The following EGFLAM variants were observed in gnomAD, a reference collection of about 807,000 sequenced individuals.
The protein encoded by EGFLAM is EGF like, fibronectin type III and laminin G domains.
EGFLAM carries 79 observed loss-of-function variants against 113.1 expected under a neutral mutation model. The ratio of observed to expected loss-of-function variants is 0.70; its 90% CI spans 0.58 to 0.84. The LOEUF is 0.84. Among genes scored for constraint, EGFLAM ranks in the 40% least tolerant of loss-of-function variants. The probability of loss-of-function intolerance (pLI) is 0.00; values close to 1 mark genes in which losing one functional copy is unlikely to be tolerated. For synonymous variants in EGFLAM, 504 were observed against 487.6 expected (o/e 1.03, Z -0.44); for missense variants, 1,265 against 1,291.6 (o/e 0.98, Z 0.32).
chr5:38,406,270 A>G, intron 7 of EGFLAM, 29 bp downstream of exon 7: 8 of 1,596,354 alleles, frequency 5.0e-6, no homozygotes, highest in Non-Finnish European at 6.0e-6. Context: ...CTTAAAACCC[A>G]GGGTGTTTGT....
chr5:38,464,265 A>G lies in EGFLAM; in HGVS notation c.*279A>G, dbSNP rs976958898. 4.4e-5 allele frequency: 18 copies of G among 411,808 alleles called. No individual in the cohort carries two copies. Among genetic ancestry groups the G allele is most frequent in the Admixed American group, 4.1e-4 (11 of 26,672 alleles). The allele number at this position is 411,808 out of a possible 1,614,324, so 25.5% of individuals were successfully genotyped here. A position where few individuals can be genotyped will look rare whatever the true frequency, so the allele number is the denominator to read the frequency against. ...AGCGGCTGCCAGAGATCACACATCA[A>G]TGCAAATTCCAGAGCCTGTCTGCTA... On this transcript the variant is annotated 3_prime_UTR_variant, in exon 22 of 22. Transcript: ENST00000322350.
At position 38,448,240 on chromosome 5, in the gene EGFLAM, G is replaced by A. The variant is rs1742785935; in HGVS notation, c.2465-61G>A. ...AGCTGGGTGTTTTCCTGCCATGTGT[G>A]TGAGTGCAGGGGTCAAGAGAACCAC... On this transcript the variant is annotated intron_variant, in intron 17 of 21. Transcript: ENST00000322350. 2.6e-6 allele frequency: 4 copies of A among 1,552,586 alleles called. No individual in the cohort carries two copies. In the Admixed American group the frequency reaches 5.0e-5, roughly 20 times the overall value.
At chr5:38,360,494 A>G (rs1452403986) in intron 5 of EGFLAM, among the ~76,000 whole-genome samples, 1 of 152,164 alleles carries the variant, frequency 6.6e-6, no homozygotes, top group Non-Finnish European at 1.5e-5. Flanking sequence ...GACGTAGGGG[A>G]GGCAGTATCG....
At chr5:38,383,463 C>A (rs1740570768) in intron 6 of EGFLAM, among the ~76,000 whole-genome samples, 1 of 148,074 alleles carries the variant, frequency 6.8e-6, no homozygotes, top group Non-Finnish European at 1.5e-5. Context: ...GGGTGATGTT[C>A]AAGAAAGTAA....
chr5:38,320,180 C>T (rs1738703151), intron 1 of EGFLAM, among the ~76,000 whole-genome samples: 2 of 152,232 alleles, frequency 1.3e-5, no homozygotes, highest in Admixed American at 1.3e-4. Context: ...TTGCCTCACA[C>T]AAGACACTAG....
At chr5:38,280,791 A>G (rs760844338) in intron 1 of EGFLAM, among the ~76,000 whole-genome samples, 3 of 152,198 alleles carry the variant, frequency 2.0e-5, no homozygotes, top group Non-Finnish European at 4.4e-5. Flanking sequence ...ATCCTAATTG[A>G]TACCTTTGGT....
chr5:38,315,206 A>G (rs1015888183), intron 1 of EGFLAM, among the ~76,000 whole-genome samples: 84 of 152,056 alleles, frequency 5.5e-4, no homozygotes, highest in African/African-American at 2.0e-3. Flanking sequence ...CTCAAATCTC[A>G]TTTACTAGGT....
At chr5:38,423,955 C>T (rs1339499837) in intron 12 of EGFLAM, among the ~76,000 whole-genome samples, 1 of 152,148 alleles carries the variant, frequency 6.6e-6, no homozygotes, top group Non-Finnish European at 1.5e-5. Flanking sequence ...ACACTCAGGC[C>T]AAGGAGGGCT....
At chr5:38,354,594 G>A (rs1739714768) in intron 5 of EGFLAM, among the ~76,000 whole-genome samples, 1 of 152,088 alleles carries the variant, frequency 6.6e-6, no homozygotes, top group South Asian at 2.1e-4. Flanking sequence ...GCTGGGCATG[G>A]TGGCGGGTAC....
intron 6 of EGFLAM, among the ~76,000 whole-genome samples, chr5:38,404,273 A>AGG (rs1741208150): frequency 6.6e-6 from 1 of 152,166 alleles, no homozygotes; most frequent in African/African-American, 2.4e-5. Context: ...ACCCCCAAGG[A>AGG]GGGGCCTTTG....
chr5:38,308,612 T>G (rs10472301), intron 1 of EGFLAM, among the ~76,000 whole-genome samples: 5,434 of 152,244 alleles, frequency 0.036, 324 homozygotes, highest in African/African-American at 0.12. Flanking sequence ...CCCCAAGGTT[T>G]AAAAGTAAAT....
rs563692932 is a variant in EGFLAM at position 38,376,887 on chromosome 5, T to G, written c.712+6425T>G. On this transcript the variant is annotated intron_variant, in intron 6 of 21. Coordinates refer to ENST00000322350, the MANE Select transcript of EGFLAM (RefSeq NM_152403.4). ...GGTTTCACCATGTTGCCCAGGCTGG[T>G]CTCGAATTCTTGGGCTCAAGTGATC... Among the ~76,000 whole-genome samples, 11 of 152,180 alleles carry G rather than the reference T, an allele frequency of 7.2e-5. No individual in the cohort carries two copies. The South Asian group carries it at 2.3e-3, about 32-fold the overall frequency.
intron 17 of EGFLAM, among the ~76,000 whole-genome samples, chr5:38,442,008 C>T (rs1334912915): frequency 2.0e-5 from 3 of 152,204 alleles, no homozygotes; most frequent in Non-Finnish European, 4.4e-5. Flanking sequence ...GCACAGTCCT[C>T]AAGTAACCAG....
At chr5:38,335,287 T>C (rs1334258198) in intron 1 of EGFLAM, among the ~76,000 whole-genome samples, 1 of 152,232 alleles carries the variant, frequency 6.6e-6, no homozygotes, top group Non-Finnish European at 1.5e-5. Context: ...GATATAGATG[T>C]TCTTTTCAGC....
chr5:38,411,110 C>A (rs1241136567), intron 10 of EGFLAM, among the ~76,000 whole-genome samples: 2 of 152,122 alleles, frequency 1.3e-5, no homozygotes, highest in African/African-American at 2.4e-5. Flanking sequence ...TGCTTCCGAG[C>A]AGAAGTGATC....
intron 11 of EGFLAM, 131 bp downstream of exon 11, chr5:38,412,779 T>G (rs549113834): frequency 6.6e-6 from 9 of 1,361,496 alleles, no homozygotes; most frequent in South Asian, 4.5e-5. Flanking sequence ...TAAGGCCTAT[T>G]TCTCATGGTG....
At position 38,463,961 on chromosome 5, in the gene EGFLAM, A is replaced by G; in HGVS notation, c.3005A>G (p.Asn1002Ser). 6.2e-7 allele frequency: 1 copy of G among 1,614,194 alleles called. No individual in the cohort carries two copies. Among genetic ancestry groups the G allele is most frequent in the African/African-American group, 1.3e-5 (1 of 75,034 alleles). ...SLVEDAVDGK[N>S]INTCGAK is the part of the protein sequence containing the mutation. ...GTGGAAGATGCCGTGGATGGGAAAA[A>G]CATCAACACTTGTGGAGCCAAGTAA... The change falls in exon 22 of 22, where the codon AAC becomes AGC. Residue 1002 changes from asparagine to serine, a missense_variant. Physicochemically the swap from Asn to Ser is conservative, Grantham distance 46. Transcript: ENST00000322350.
chr5:38,370,704 G>A (rs1304445767), intron 6 of EGFLAM, among the ~76,000 whole-genome samples: 1 of 152,136 alleles, frequency 6.6e-6, no homozygotes, highest in Non-Finnish European at 1.5e-5. Context: ...GGAAGTTTGA[G>A]GTCAGTTTTC....
intron 14 of EGFLAM, among the ~76,000 whole-genome samples, chr5:38,429,163 C>T (rs550019986): frequency 2.0e-5 from 3 of 152,162 alleles, no homozygotes; most frequent in South Asian, 2.1e-4. Flanking sequence ...TAAAAAATCA[C>T]GACAATTGGA....
Sources: gnomAD v4.1 joint callset for allele counts (sites outside exome capture counted in the v4.1 genomes callset) on GRCh38, gnomAD v4.1.1 for gene constraint, MANE v1.5 for transcripts, NCBI Gene and HGNC (gene_info 2026-07-23, HGNC 2026-07-21) for gene names.